Variants in RCOR2 observed in about 807,000 individuals in gnomAD.
RCOR2 encodes REST corepressor 2.
Under a neutral mutation model 58.9 loss-of-function variants are expected in RCOR2, and 19 were observed. The ratio of observed to expected loss-of-function variants is 0.32; its 90% CI spans 0.23 to 0.47. The LOEUF (loss-of-function observed/expected upper bound fraction) is 0.47, where lower values mean the gene tolerates loss of function less well. Among genes scored for constraint, RCOR2 ranks in the 20% least tolerant of loss-of-function variants. RCOR2 has a pLI of 1.00. For synonymous variants in RCOR2, 286 were observed against 278.7 expected, an observed-to-expected ratio of 1.03 and a Z score of -0.26; for missense variants, 590 against 707.9, an observed-to-expected ratio of 0.83 and a Z score of 1.89.
At chr11:63,921,947 G>A (rs1421546431), upstream of RCOR2, among the ~76,000 whole-genome samples, 1 of 152,226 alleles carries the variant, frequency 6.6e-6, no homozygotes, top group Non-Finnish European at 1.5e-5. Flanking sequence ...TACTACAACA[G>A]TGTTGAGAGG....
At position 63,912,264 on chromosome 11, in the gene RCOR2, C is replaced by T. The variant is rs200392241; in HGVS notation, c.1257+41G>A. The T allele has an allele frequency of 1.7e-3, 2,721 of 1,598,078 alleles. 4 individuals are homozygous for T. The highest frequency in any genetic ancestry group is 2.1e-3 in the Non-Finnish European group (2,410 of 1,166,904). The stretch of plus-strand genomic sequence containing the variant: ...ACCAAGGCGGCGCCTCACCTCGCCT[C>T]GCCTCTCCTCTCTGAGGGGTTTCTC... On this transcript the variant is annotated intron_variant, in intron 11 of 11. Coordinates refer to ENST00000301459, the MANE Select transcript of RCOR2 (RefSeq NM_173587.4).
intron 1 of RCOR2, 119 bp downstream of exon 1, chr11:63,916,211 A>G (rs1484732504): frequency 2.1e-6 from 2 of 948,206 alleles, no homozygotes; most frequent in East Asian, 2.7e-5. Context: ...AGAGGCTCCA[A>G]TCCAGGAGAG....
At chr11:63,924,635 T>C in the RCOR2 span, among the ~76,000 whole-genome samples, 1 of 152,178 alleles carries the variant, frequency 6.6e-6, no homozygotes, top group Non-Finnish European at 1.5e-5. Flanking sequence ...ATCCTATTCC[T>C]GAAAGAGTCC....
At chr11:63,914,975 G>C (rs1941836018) in intron 3 of RCOR2, 21 bp from the exon 4 acceptor site, 1 of 1,613,790 alleles carries the variant, frequency 6.2e-7, no homozygotes, top group East Asian at 2.2e-5. Context: ...AGCAGGGGCA[G>C]GGTCTTGGTG....
the RCOR2 span, among the ~76,000 whole-genome samples, chr11:63,923,063 A>G: frequency 6.6e-6 from 1 of 151,968 alleles, no homozygotes; most frequent in African/African-American, 2.4e-5. Flanking sequence ...AAGTGAGGCC[A>G]TCTGGGAGGA....
Position 63,912,866 on chromosome 11 carries a change from A to G in RCOR2, c.969+4T>C, listed in dbSNP as rs1396621234. 2.3e-5 allele frequency: 37 copies of G among 1,613,554 alleles called. No individual in the cohort carries two copies. The highest frequency in any genetic ancestry group is 3.0e-5 in the Non-Finnish European group (35 of 1,179,796). ...TTGCACCCTAACTTAAAGAGCAGCCATACCTCCGGGGGGCGTAGTGGATCA... is the reference window on the plus strand; with the variant it reads ...TTGCACCCTAACTTAAAGAGCAGCCGTACCTCCGGGGGGCGTAGTGGATCA... On this transcript the variant is annotated splice_donor_region_variant and intron_variant, in intron 9 of 11. Coordinates refer to ENST00000301459, the MANE Select transcript of RCOR2 (RefSeq NM_173587.4).
chr11:63,914,353 G>A (rs1391348763), intron 6 of RCOR2, 23 bp from the exon 7 acceptor site: 1 of 1,613,390 alleles, frequency 6.2e-7, no homozygotes, highest in African/African-American at 1.3e-5. Context: ...GGGCCAGGGA[G>A]GGAATGAGGC....
At chr11:63,924,188 G>A in the RCOR2 span, among the ~76,000 whole-genome samples, 20 of 151,348 alleles carry the variant, frequency 1.3e-4, no homozygotes, top group East Asian at 1.9e-4. Flanking sequence ...GATAACAGGC[G>A]TGAGCCACCA....
the RCOR2 span, among the ~76,000 whole-genome samples, chr11:63,926,340 T>C: frequency 6.6e-6 from 1 of 152,274 alleles, no homozygotes; most frequent in East Asian, 1.9e-4. Flanking sequence ...CTCTCAACAC[T>C]ATCCCACTTA....
intron 4 of RCOR2, 36 bp from the exon 5 acceptor site, chr11:63,914,852 C>T (rs1426654051): frequency 1.9e-6 from 3 of 1,608,872 alleles, no homozygotes; most frequent in Non-Finnish European, 2.5e-6. Flanking sequence ...GCCTGAGCTG[C>T]CCCGGCACCG....
chr11:63,921,301 A>C (rs550226326), upstream of RCOR2, among the ~76,000 whole-genome samples: 1 of 152,190 alleles, frequency 6.6e-6, no homozygotes, highest in Non-Finnish European at 1.5e-5. Context: ...CGGTGACCGC[A>C]TGGACCAAGG....
chr11:63,924,706 C>A, the RCOR2 span, among the ~76,000 whole-genome samples: 7 of 152,114 alleles, frequency 4.6e-5, no homozygotes. Context: ...ATTCGACAGC[C>A]AGGGTGATCT....
chr11:63,923,864 C>T, the RCOR2 span, among the ~76,000 whole-genome samples: 1 of 152,348 alleles, frequency 6.6e-6, no homozygotes, highest in South Asian at 2.1e-4. Context: ...CACCAATCTT[C>T]ACCACCATGT....
intron 4 of RCOR2, 31 bp from the exon 5 acceptor site, chr11:63,914,847 A>C (rs57942405): frequency 0.42 from 680,531 of 1,603,234 alleles, 150,307 homozygotes; most frequent in South Asian, 0.54. Context: ...GCTGAGCCTG[A>C]GCTGCCCCGG....
At chr11:63,926,457 C>T in the RCOR2 span, among the ~76,000 whole-genome samples, 1 of 150,876 alleles carries the variant, frequency 6.6e-6, no homozygotes, top group African/African-American at 2.4e-5. Flanking sequence ...TGAAGCTCCT[C>T]CTTTCCTTGC....
intron 11 of RCOR2, 61 bp downstream of exon 11, chr11:63,912,244 G>C: frequency 6.3e-7 from 1 of 1,599,958 alleles, no homozygotes; most frequent in South Asian, 1.1e-5. Context: ...TAAGGACCAA[G>C]GCGGCGCCTC....
chr11:63,923,513 C>T, the RCOR2 span, among the ~76,000 whole-genome samples: 1 of 152,152 alleles, frequency 6.6e-6, no homozygotes, highest in African/African-American at 2.4e-5. Context: ...TCACCAGTGA[C>T]TTTGTTATCT....
rs373858713 is a variant in RCOR2, at chr11:63,912,296, C to G, written c.1257+9G>C. 2.5e-6 allele frequency: 4 copies of G among 1,608,968 alleles called. No homozygotes were observed. The highest frequency in any genetic ancestry group is 1.7e-5 in the Admixed American group (1 of 59,796). On this transcript the variant is annotated intron_variant, in intron 11 of 11. Transcript: ENST00000301459. ...CCTCTCTGAGGGGTTTCTCTCACCC[C>G]CTTCTCACCTCATCATCTTCCTCTA...
intron 3 of RCOR2, 75 bp downstream of exon 3, chr11:63,915,103 C>T: frequency 6.6e-7 from 1 of 1,510,110 alleles, no homozygotes; most frequent in Non-Finnish European, 9.1e-7. Flanking sequence ...CAGCTTCCAG[C>T]CCCCTTCTGA....
Sources: gnomAD v4.1 joint callset for allele counts (sites outside exome capture counted in the v4.1 genomes callset) on GRCh38, gnomAD v4.1.1 for gene constraint, MANE v1.5 for transcripts, NCBI Gene and HGNC (gene_info 2026-07-23, HGNC 2026-07-21) for gene names.